The following MTA3 variants were observed in gnomAD, a reference collection of about 807,000 sequenced individuals.
MTA3 encodes the protein metastasis associated 1 family member 3, also known as metastasis-associated protein MTA3.
Under a neutral mutation model 83.5 loss-of-function variants are expected in MTA3, and 34 were observed. The observed-to-expected ratio is 0.41, with a 90% CI of 0.31 to 0.54. MTA3 has a LOEUF of 0.54. Ranked by LOEUF, MTA3 falls within the 20% of genes least tolerant of loss-of-function variation. MTA3 has a pLI of 0.33. For synonymous variants in MTA3, 303 were observed against 252.7 expected (o/e 1.20, Z -1.89); for missense variants, 761 against 726.4 (o/e 1.05, Z -0.55).
chr2:42,515,817 ATTTTATTTTGTTTTATTTTATGTAT>A (rs1278190109), intron 2 of MTA3, among the ~76,000 whole-genome samples: 2 of 142,182 alleles, frequency 1.4e-5, no homozygotes, highest in East Asian at 4.2e-4. Flanking sequence ...TGTTTATTTT[ATTTTATTTTGTTTTATTTTATGTAT>A]TTTTTTTTTT....
chr2:42,689,040 T>C (rs576597142), intron 9 of MTA3, among the ~76,000 whole-genome samples: 23 of 152,288 alleles, frequency 1.5e-4, no homozygotes, highest in Admixed American at 7.8e-4. Context: ...TTTAAAAAAA[T>C]CATGAATGAT....
At chr2:42,630,173 G>C in intron 4 of MTA3, among the ~76,000 whole-genome samples, 1 of 152,208 alleles carries the variant, frequency 6.6e-6, no homozygotes, top group East Asian at 1.9e-4. Flanking sequence ...CTTGATCTCT[G>C]ATACTAGAAT....
chr2:42,618,640 C>T (rs1685191237), intron 4 of MTA3, among the ~76,000 whole-genome samples: 1 of 152,020 alleles, frequency 6.6e-6, no homozygotes, highest in South Asian at 2.1e-4. Flanking sequence ...CAGAGTCTCG[C>T]TCTGTTGCCC....
intron 2 of MTA3, among the ~76,000 whole-genome samples, chr2:42,520,543 G>A (rs966126678): frequency 6.6e-6 from 1 of 151,750 alleles, no homozygotes; most frequent in Non-Finnish European, 1.5e-5. Flanking sequence ...CCCATCTCAG[G>A]TCATCCATCA....
intron 16 of MTA3, among the ~76,000 whole-genome samples, chr2:42,741,158 A>G (rs980087665): frequency 2.0e-5 from 3 of 152,202 alleles, no homozygotes; most frequent in African/African-American, 7.2e-5. Context: ...ATCAACCTCT[A>G]CTAGCTTCAA....
chr2:42,645,959 A>ATAGCTAG (rs1491115577), intron 6 of MTA3, among the ~76,000 whole-genome samples: 1 of 152,202 alleles, frequency 6.6e-6, no homozygotes, highest in Non-Finnish European at 1.5e-5. Flanking sequence ...TAGAAGCTTC[A>ATAGCTAG]AAGGACAGCC....
chr2:42,702,230 T>A (rs1446176168), intron 11 of MTA3: 1 of 152,156 alleles, frequency 6.6e-6, no homozygotes, highest in African/African-American at 2.4e-5. Flanking sequence ...AATAAATAAA[T>A]AAAATAAAAA....
At chr2:42,516,790 A>G (rs1488808642) in intron 2 of MTA3, among the ~76,000 whole-genome samples, 2 of 152,216 alleles carry the variant, frequency 1.3e-5, no homozygotes, top group Non-Finnish European at 2.9e-5. Context: ...GTGCAAAAGT[A>G]TAGTGCACTT....
chr2:42,569,247 C>T (rs1315081418), intron 1 of MTA3: 1 of 153,050 alleles, frequency 6.5e-6, no homozygotes, highest in African/African-American at 2.4e-5. Context: ...CTGGACGGGC[C>T]TGTTTGCGTG....
In MTA3 at chr2:42,640,212, A is replaced by G. The variant is rs1467588030; in HGVS notation, c.357A>G (p.Ser119=). Residue 119 remains serine (S), a synonymous_variant, in exon 5 of 17, where the codon TCA becomes TCG. Transcript: ENST00000405094. ...TTGCCCTTCTGAATGAGACAGAATC[A>G]GTATTGTCATATCTTGATAAGGAGG... The part of the protein sequence containing the change: ...CSVALLNETE[S]VLSYLDKEDT... 1 of 1,608,290 alleles carries G rather than the reference A, an allele frequency of 6.2e-7. No individual in the cohort carries two copies. Among genetic ancestry groups the G allele is most frequent in the East Asian group, 2.2e-5 (1 of 44,748 alleles).
intron 4 of MTA3, among the ~76,000 whole-genome samples, chr2:42,637,866 T>C (rs905111963): frequency 6.6e-6 from 1 of 152,182 alleles, no homozygotes; most frequent in Non-Finnish European, 1.5e-5. Flanking sequence ...TCAGACCATA[T>C]GGAAGAGACT....
chr2:42,734,766 A>T (rs1430428324), intron 16 of MTA3, among the ~76,000 whole-genome samples: 3 of 152,070 alleles, frequency 2.0e-5, no homozygotes, highest in African/African-American at 7.2e-5. Context: ...AATATCTTAT[A>T]ACCTGTTATT....
intron 16 of MTA3, among the ~76,000 whole-genome samples, chr2:42,739,068 G>A (rs1028213874): frequency 8.5e-5 from 13 of 152,126 alleles, no homozygotes; most frequent in African/African-American, 3.1e-4. Flanking sequence ...ACCCTGTTAA[G>A]TACTTGATGT....
chr2:42,687,987 A>C (rs1692543041), intron 9 of MTA3, among the ~76,000 whole-genome samples: 1 of 152,258 alleles, frequency 6.6e-6, no homozygotes, highest in Non-Finnish European at 1.5e-5. Context: ...GCTACTGACA[A>C]GGGTTTTTCC....
intron 2 of MTA3, among the ~76,000 whole-genome samples, chr2:42,573,572 A>G (rs1464958164): frequency 6.6e-6 from 1 of 152,032 alleles, no homozygotes; most frequent in Non-Finnish European, 1.5e-5. Flanking sequence ...GTACAATGGC[A>G]TGATCTCCGG....
chr2:42,585,454 AT>A (rs760946684), intron 3 of MTA3, among the ~76,000 whole-genome samples: 3 of 150,390 alleles, frequency 2.0e-5, no homozygotes, highest in Non-Finnish European at 3.0e-5. Context: ...GAAAGACCAA[AT>A]GATTCTTTTT....
At chr2:42,538,856 G>C (rs1366980354) in intron 2 of MTA3, among the ~76,000 whole-genome samples, 2 of 146,238 alleles carry the variant, frequency 1.4e-5, no homozygotes, top group Non-Finnish European at 3.0e-5. Flanking sequence ...CTCACTGCAA[G>C]CTCCGCTTCC....
intron 11 of MTA3, 195 bp from the exon 12 acceptor site, chr2:42,703,999 T>C (rs142486467): frequency 1.1e-5 from 6 of 549,578 alleles, no homozygotes; most frequent in South Asian, 2.3e-5. Flanking sequence ...AATTCCTTTT[T>C]TCATAGACTC....
At chr2:42,552,077 C>T (rs1270491183) in intron 2 of MTA3, among the ~76,000 whole-genome samples, 1 of 151,982 alleles carries the variant, frequency 6.6e-6, no homozygotes, top group African/African-American at 2.4e-5. Flanking sequence ...AGGCTGGTAT[C>T]AAATTCCTGG....
Sources: gnomAD v4.1 joint callset for allele counts (sites outside exome capture counted in the v4.1 genomes callset) on GRCh38, gnomAD v4.1.1 for gene constraint, MANE v1.5 for transcripts, NCBI Gene and HGNC (gene_info 2026-07-23, HGNC 2026-07-21) for gene names.